Variants in HSPA14 observed in about 807,000 individuals in gnomAD.
The protein encoded by HSPA14 is heat shock 70 kDa protein 14.
HSPA14 carries 37 observed loss-of-function variants against 65.5 expected under a neutral mutation model. The observed-to-expected ratio is 0.56, with a 90% CI of 0.43 to 0.74. The LOEUF (loss-of-function observed/expected upper bound fraction) is 0.74, where lower values mean the gene tolerates loss of function less well. Among genes scored for constraint, HSPA14 ranks in the 30% least tolerant of loss-of-function variants. The pLI is 0.00. For synonymous variants in HSPA14, 203 were observed against 214.2 expected, an observed-to-expected ratio of 0.95 and a Z score of 0.46; for missense variants, 564 against 607.6, an observed-to-expected ratio of 0.93 and a Z score of 0.75.
At position 14,855,936 on chromosome 10, in the gene HSPA14, T is replaced by C. The variant is rs757973634; in HGVS notation, c.986T>C (p.Ile329Thr). The change falls in exon 10 of 14, where the codon ATC becomes ACC. Residue 329 changes from isoleucine (I) to threonine (T), a missense_variant. Physicochemically the swap from Ile to Thr is moderately conservative, Grantham distance 89. Transcript: ENST00000378372. ...LDQNGFTADD[I>T]NKVVLCGGSS... ...CAAAATGGATTTACAGCAGATGATA[T>C]CAACAAGGTAATGCTTTTACATTTT... is the stretch of plus-strand genomic sequence containing the variant. 2 of 1,542,396 alleles carry C rather than the reference T, an allele frequency of 1.3e-6. No homozygotes were observed. Among genetic ancestry groups the C allele is most frequent in the South Asian group, 1.1e-5 (1 of 89,424 alleles).
rs752031347 is a variant in HSPA14, at chr10:14,867,838, T to C, written c.1309T>C (p.Ser437Pro). ...QHTLQAPGSI[S>P]SVCLELYESD... ...CACATTGCAAGCCCCTGGAAGCATA[T>C]CTTCAGTGTGCCTTGAACTCTATGA... The change falls in exon 12 of 14, where the codon TCT (serine) becomes CCT (proline). Residue 437 changes from serine to proline, a missense_variant. By Grantham distance (74) the Ser-to-Pro change is moderately conservative (BLOSUM62 -1). Coordinates refer to ENST00000378372, the MANE Select transcript of HSPA14 (RefSeq NM_016299.4). 1 of 1,614,150 alleles carries C rather than the reference T, an allele frequency of 6.2e-7. No homozygotes were observed. Among genetic ancestry groups the C allele is most frequent in the East Asian group, 2.2e-5 (1 of 44,878 alleles).
rs376813616 is a variant in HSPA14, at chr10:14,867,195, T to C, written c.1106T>C (p.Ile369Thr). Reference sequence around the variant, plus strand: ...ATCCCTCCTGATGAAGTGATCCCTATTGGTGCAGCTATAGAAGCAGGAATT... The same window carrying C: ...ATCCCTCCTGATGAAGTGATCCCTACTGGTGCAGCTATAGAAGCAGGAATT... The part of the protein sequence containing the change: ...NSIPPDEVIP[I>T]GAAIEAGILI... The change falls in exon 11 of 14, where the codon ATT (isoleucine) becomes ACT (threonine). Residue 369 changes from isoleucine (I) to threonine (T), a missense_variant. Ile to Thr is a moderately conservative substitution (Grantham distance 89, BLOSUM62 -1). Coordinates refer to ENST00000378372, the MANE Select transcript of HSPA14 (RefSeq NM_016299.4). The C allele has an allele frequency of 3.7e-6, 6 of 1,613,280 alleles. No homozygotes were observed. Among genetic ancestry groups the C allele is most frequent in the Middle Eastern group, 1.6e-4 (1 of 6,076 alleles).
intron 3 of HSPA14, among the ~76,000 whole-genome samples, chr10:14,840,456 C>A (rs1176936807): frequency 6.6e-6 from 1 of 152,072 alleles, no homozygotes; most frequent in African/African-American, 2.4e-5. Flanking sequence ...GAGAGGATTT[C>A]AAAGATTTTG....
At chr10:14,868,838 ACT>A (rs1169414624) in intron 12 of HSPA14, among the ~76,000 whole-genome samples, 4 of 152,130 alleles carry the variant, frequency 2.6e-5, no homozygotes, top group Non-Finnish European at 5.9e-5. Context: ...AAAATAATGT[ACT>A]GTTTTTTTTG....
At chr10:14,858,216 C>T (rs929050867) in intron 10 of HSPA14, among the ~76,000 whole-genome samples, 1 of 152,160 alleles carries the variant, frequency 6.6e-6, no homozygotes, top group African/African-American at 2.4e-5. Flanking sequence ...TGTGGCACAG[C>T]CTGTTGCATA....
rs118188387 is a variant in HSPA14 at position 14,866,398 on chromosome 10, T to C, written c.994-685T>C. Reference sequence around the variant, plus strand: ...GAGATCATCCGTAAAGACTGTGAAATAGGAAGTGGCTATTGATTTCCCTTC... The same window carrying C: ...GAGATCATCCGTAAAGACTGTGAAACAGGAAGTGGCTATTGATTTCCCTTC... On this transcript the variant is annotated intron_variant, in intron 10 of 13. Transcript: ENST00000378372. Among the ~76,000 whole-genome samples, 98 of 152,286 alleles carry C rather than the reference T, an allele frequency of 6.4e-4. 1 individual carries two copies. The East Asian group carries it at 0.011, about 18-fold the overall frequency.
intron 12 of HSPA14, 29 bp from the exon 13 acceptor site, chr10:14,870,568 T>G (rs1232893338): frequency 6.4e-7 from 1 of 1,568,112 alleles, no homozygotes; most frequent in South Asian, 1.2e-5. Context: ...AGATGCTGAA[T>G]TCTCTTCATA....
intron 8 of HSPA14, 51 bp from the exon 9 acceptor site, chr10:14,854,074 T>C (rs369342440): frequency 4.8e-6 from 7 of 1,470,332 alleles, no homozygotes; most frequent in African/African-American, 2.8e-5. Flanking sequence ...AGTTACAATA[T>C]TGTAAATGGC....
At chr10:14,860,382 T>C (rs2131644735) in intron 10 of HSPA14, among the ~76,000 whole-genome samples, 1 of 152,250 alleles carries the variant, frequency 6.6e-6, no homozygotes, top group East Asian at 1.9e-4. Flanking sequence ...AGTGAGGATA[T>C]ACAGGTAATA....
At chr10:14,843,899 C>G (rs1370817120) in intron 3 of HSPA14, 6 of 1,536,102 alleles carry the variant, frequency 3.9e-6, no homozygotes, top group African/African-American at 1.4e-5. Context: ...AGCTAGGAAC[C>G]AATTACAAAA....
At chr10:14,846,052 T>C in intron 3 of HSPA14, 1 of 972,808 alleles carries the variant, frequency 1.0e-6, no homozygotes, top group Non-Finnish European at 1.2e-6. Flanking sequence ...AATTTTAAGG[T>C]AGCATTCTGT....
chr10:14,869,477 A>T (rs1456999843), intron 12 of HSPA14, among the ~76,000 whole-genome samples: 5 of 151,862 alleles, frequency 3.3e-5, no homozygotes, highest in African/African-American at 1.2e-4. Flanking sequence ...TTGTATTTTT[A>T]GTAGAGACAG....
Position 14,839,984 on chromosome 10 carries a change from A to G in HSPA14, c.137A>G (p.Glu46Gly). 6.2e-7 allele frequency: 1 copy of G among 1,609,834 alleles called. No homozygotes were observed. The highest frequency in any genetic ancestry group is 8.5e-7 in the Non-Finnish European group (1 of 1,177,020). ...PAVVAYSENEEIVGLAAKQSR... is the reference protein window; with the variant it reads ...PAVVAYSENEGIVGLAAKQSR... ...GTTGTTGCTTACTCAGAAAATGAAG[A>G]GGTACTAGTCCCCCCATTTTTGTAC... Residue 46 changes from glutamate (E) to glycine (G), a missense_variant and splice_region_variant, in exon 2 of 14, where the codon GAG becomes GGG. Glu to Gly is a moderately conservative substitution (Grantham distance 98). Transcript: ENST00000378372.
At position 14,844,212 on chromosome 10, in the gene HSPA14, C is replaced by T. The variant is rs1834013918; in HGVS notation, c.221+4055C>T. ...GTTTCCTCATCCGTAAAATGGGGAT[C>T]AATAATAACTCCTGCCCTGCCTACC... On this transcript the variant is annotated intron_variant, in intron 3 of 13. Transcript: ENST00000378372. 8.9e-6 allele frequency: 10 copies of T among 1,122,992 alleles called. No individual in the cohort carries two copies. In the South Asian group the frequency reaches 1.2e-4, roughly 14 times the overall value. 69.6% of individuals were successfully genotyped at this position (1,122,992 alleles called of 1,614,324 possible).
intron 3 of HSPA14, chr10:14,844,118 G>A: frequency 7.3e-7 from 1 of 1,363,930 alleles, no homozygotes; most frequent in African/African-American, 1.5e-5. Flanking sequence ...AAACGATGGA[G>A]CCACGTTCTA....
chr10:14,849,778 T>C lies in HSPA14; in HGVS notation c.434T>C (p.Phe145Ser). Reference protein sequence around the residue: ...DANDVVITVPFDFGEKQKNAL... With the variant: ...DANDVVITVPSDFGEKQKNAL... ...AATGATGTAGTTATTACTGTCCCGT[T>C]TGATTTTGGAGAAAAGCAAAAAAAT... Residue 145 changes from phenylalanine to serine, a missense_variant, in exon 6 of 14, where the codon TTT becomes TCT. Transcript: ENST00000378372. 6.2e-7 allele frequency: 1 copy of C among 1,613,672 alleles called. No individual in the cohort carries two copies. The highest frequency in any genetic ancestry group is 8.5e-7 in the Non-Finnish European group (1 of 1,179,774).
At chr10:14,854,614 C>T (rs1008653405) in intron 9 of HSPA14, among the ~76,000 whole-genome samples, 2 of 152,138 alleles carry the variant, frequency 1.3e-5, no homozygotes, top group Non-Finnish European at 2.9e-5. Flanking sequence ...AATAATGATA[C>T]GGCCTATTCA....
chr10:14,856,404 T>G (rs577533085), intron 10 of HSPA14, among the ~76,000 whole-genome samples: 1 of 152,302 alleles, frequency 6.6e-6, no homozygotes, highest in South Asian at 2.1e-4. Context: ...AGAGCCAAGA[T>G]TTAACCCAGT....
intron 3 of HSPA14, chr10:14,841,996 G>A: frequency 1.8e-6 from 1 of 554,440 alleles, no homozygotes; most frequent in Non-Finnish European, 3.3e-6. Context: ...TCTACCCTGG[G>A]TGAACTCCCA....
Sources: allele counts gnomAD v4.1 joint callset (sites outside exome capture counted in the v4.1 genomes callset), GRCh38; gene constraint gnomAD v4.1.1; transcripts MANE v1.5; gene names NCBI Gene and HGNC (gene_info 2026-07-23, HGNC 2026-07-21).